Variants in SRBD1 observed in about 807,000 individuals in gnomAD.
SRBD1 encodes S1 RNA-binding domain-containing protein 1.
In SRBD1, 88 loss-of-function variants were observed where a neutral mutation model predicts 115.3. That is an observed-to-expected ratio of 0.76 (90% CI 0.64 to 0.91). The LOEUF (loss-of-function observed/expected upper bound fraction) is 0.91. Ranked by LOEUF, SRBD1 falls within the 40% of genes least tolerant of loss-of-function variation. The pLI is 0.00. For synonymous variants in SRBD1, 509 were observed against 407.7 expected, an observed-to-expected ratio of 1.25 and a Z score of -2.99; for missense variants, 1,385 against 1,177.4, an observed-to-expected ratio of 1.18 and a Z score of -2.58.
At chr2:45,446,808 T>C (rs1208184299) in intron 16 of SRBD1, among the ~76,000 whole-genome samples, 2 of 151,942 alleles carry the variant, frequency 1.3e-5, no homozygotes, top group Non-Finnish European at 2.9e-5. Flanking sequence ...CTGCCATCAA[T>C]ACCACTGGGT....
At chr2:45,470,221 GT>G (rs1669605069) in intron 16 of SRBD1, among the ~76,000 whole-genome samples, 1 of 152,014 alleles carries the variant, frequency 6.6e-6, no homozygotes, top group South Asian at 2.1e-4. Context: ...AAAACAGTTT[GT>G]TTTTTATTTT....
intron 14 of SRBD1, among the ~76,000 whole-genome samples, chr2:45,505,952 A>G (rs909932375): frequency 2.6e-5 from 4 of 152,190 alleles, no homozygotes; most frequent in Non-Finnish European, 5.9e-5. Flanking sequence ...GAGGCTTTTA[A>G]AAGTTGTTTG....
At chr2:45,463,115 A>G (rs1382123088) in intron 16 of SRBD1, among the ~76,000 whole-genome samples, 1 of 152,042 alleles carries the variant, frequency 6.6e-6, no homozygotes, top group African/African-American at 2.4e-5. Flanking sequence ...AAAGAAAGAC[A>G]ATGTAACACA....
At chr2:45,577,661 A>G (rs1312960848) in intron 7 of SRBD1, among the ~76,000 whole-genome samples, 1 of 98,758 alleles carries the variant, frequency 1.0e-5, no homozygotes, top group Non-Finnish European at 1.7e-5. Context: ...TCTACTGGGG[A>G]AAAAAAAAAC....
chr2:45,403,662 T>A (rs117777706), intron 19 of SRBD1, among the ~76,000 whole-genome samples: 1 of 152,138 alleles, frequency 6.6e-6, no homozygotes, highest in African/African-American at 2.4e-5. Context: ...ACAAGGACAA[T>A]TGAAGGAGCT....
At position 45,418,486 on chromosome 2, in the gene SRBD1, T is replaced by C; in HGVS notation, c.2212A>G (p.Lys738Glu). 6.2e-7 allele frequency: 1 copy of C among 1,613,942 alleles called. No homozygotes were observed. Among genetic ancestry groups the C allele is most frequent in the East Asian group, 2.2e-5 (1 of 44,886 alleles). The stretch of plus-strand genomic sequence containing the variant: ...TCTCGGTTGATAAAGGGTCCATTTT[T>C]CTCTCGCCATTCAATAATATTTTTG... ...RAKNIIEWRE[K>E]NGPFINREQL... The change falls in exon 18 of 21, where the codon AAA (lysine) becomes GAA (glutamate). Residue 738 changes from lysine to glutamate, a missense_variant. Lys to Glu is a moderately conservative substitution (Grantham distance 56, BLOSUM62 1). Transcript: ENST00000263736.
intron 4 of SRBD1, among the ~76,000 whole-genome samples, chr2:45,591,569 T>C (rs1174353452): frequency 6.6e-6 from 1 of 152,100 alleles, no homozygotes; most frequent in Non-Finnish European, 1.5e-5. Flanking sequence ...ACAAGGAGTG[T>C]GAAGATCAGG....
At chr2:45,562,436 C>G (rs1221169147) in intron 10 of SRBD1, among the ~76,000 whole-genome samples, 2 of 152,086 alleles carry the variant, frequency 1.3e-5, no homozygotes, top group Non-Finnish European at 2.9e-5. Flanking sequence ...GTTTCACCAT[C>G]TTGGCCAGGC....
chr2:45,450,431 G>C (rs1042939895), intron 16 of SRBD1, among the ~76,000 whole-genome samples: 1 of 152,162 alleles, frequency 6.6e-6, no homozygotes, highest in South Asian at 2.1e-4. Context: ...TTCACATAAT[G>C]AATCTACAGC....
intron 14 of SRBD1, among the ~76,000 whole-genome samples, chr2:45,521,729 G>A (rs978362745): frequency 1.3e-5 from 2 of 152,050 alleles, no homozygotes; most frequent in African/African-American, 4.8e-5. Context: ...CACTTTAGGT[G>A]GCCAAAGTGG....
At chr2:45,489,227 T>C (rs1467984390) in intron 14 of SRBD1, among the ~76,000 whole-genome samples, 1 of 152,188 alleles carries the variant, frequency 6.6e-6, no homozygotes, top group African/African-American at 2.4e-5. Context: ...TGTGACCATG[T>C]AGGTGTCAAT....
At chr2:45,581,572 T>G in intron 6 of SRBD1, 121 bp downstream of exon 6, 1 of 670,212 alleles carries the variant, frequency 1.5e-6, no homozygotes, top group Non-Finnish European at 2.5e-6. Flanking sequence ...AATATTTTGT[T>G]GCATTAAATA....
chr2:45,551,402 T>A, intron 11 of SRBD1, 120 bp from the exon 12 acceptor site: 1 of 1,033,294 alleles, frequency 9.7e-7, no homozygotes, highest in Non-Finnish European at 1.4e-6. Context: ...ACAATATAAC[T>A]TAAGAGAAAA....
intron 16 of SRBD1, among the ~76,000 whole-genome samples, chr2:45,451,139 TG>T (rs1668979579): frequency 6.6e-6 from 1 of 152,072 alleles, no homozygotes; most frequent in Non-Finnish European, 1.5e-5. Context: ...ACAGAATTAT[TG>T]GCAAATGGGA....
intron 11 of SRBD1, among the ~76,000 whole-genome samples, chr2:45,552,856 T>C (rs1038515383): frequency 6.6e-6 from 1 of 152,170 alleles, no homozygotes; most frequent in African/African-American, 2.4e-5. Flanking sequence ...AATTCAATGG[T>C]CAAGTCCAGC....
chr2:45,604,007 G>A lies in SRBD1; in HGVS notation c.80+1355C>T, dbSNP rs150958790. Among the ~76,000 whole-genome samples, 256 of 152,038 alleles carry A rather than the reference G, an allele frequency of 1.7e-3. 4 individuals are homozygous for A. The highest frequency in any genetic ancestry group is 0.016 in the East Asian group (83 of 5,170). On this transcript the variant is annotated intron_variant, in intron 2 of 20. Coordinates refer to ENST00000263736, the MANE Select transcript of SRBD1 (RefSeq NM_018079.5). ...CTCTTCCAGTCTTTCCAAAATGTCT[G>A]TCATTCTTTCATACCCCAAATCCAA...
intron 19 of SRBD1, among the ~76,000 whole-genome samples, chr2:45,412,839 AAAAC>A (rs1237668387): frequency 6.6e-6 from 1 of 152,216 alleles, no homozygotes; most frequent in Non-Finnish European, 1.5e-5. Context: ...GTTAATTTCC[AAAAC>A]AAACAGAGGG....
chr2:45,593,891 T>C (rs889133950), intron 4 of SRBD1, among the ~76,000 whole-genome samples: 10 of 152,188 alleles, frequency 6.6e-5, no homozygotes, highest in Admixed American at 2.0e-4. Flanking sequence ...GAAGGAGGAA[T>C]TGGAAAATAG....
intron 16 of SRBD1, among the ~76,000 whole-genome samples, chr2:45,469,940 T>C (rs931018918): frequency 2.0e-5 from 3 of 152,232 alleles, no homozygotes; most frequent in Admixed American, 1.3e-4. Flanking sequence ...GTGTAAATAA[T>C]GTCTCAGTTT....
Sources: allele counts gnomAD v4.1 joint callset (sites outside exome capture counted in the v4.1 genomes callset), GRCh38; gene constraint gnomAD v4.1.1; transcripts MANE v1.5; gene names NCBI Gene and HGNC (gene_info 2026-07-23, HGNC 2026-07-21).